PRMT9: variants seen among roughly 807,000 people sequenced by gnomAD.
The protein encoded by PRMT9 is protein arginine N-methyltransferase 9.
In PRMT9, 59 loss-of-function variants were observed where a neutral mutation model predicts 83.2. That is an observed-to-expected ratio of 0.71 (90% CI 0.57 to 0.88). The LOEUF is 0.88. PRMT9 is among the 40% of genes least tolerant of loss of function. PRMT9 has a pLI of 0.00. For missense variants in PRMT9, 947 were observed against 1,021.9 expected (o/e 0.93, Z 1.00); for synonymous variants, 333 against 353.2 (o/e 0.94, Z 0.64).
intron 2 of PRMT9, among the ~76,000 whole-genome samples, chr4:147,678,735 G>A (rs941820974): frequency 6.6e-6 from 1 of 152,166 alleles, no homozygotes; most frequent in African/African-American, 2.4e-5. Context: ...TAGAAACCCT[G>A]GGCACTGAGC....
intron 9 of PRMT9, among the ~76,000 whole-genome samples, chr4:147,650,779 A>G (rs2126586685): frequency 6.6e-6 from 1 of 152,356 alleles, no homozygotes; most frequent in African/African-American, 2.4e-5. Flanking sequence ...TACTGGTATA[A>G]AGACAGACAT....
rs1560960795 is a variant in PRMT9 at position 147,638,720 on chromosome 4, TC to T, written c.2349del (p.Thr784LeufsTer33). On this transcript the variant is annotated frameshift_variant, in exon 12 of 12. Transcript: ENST00000322396. LOFTEE classifies it high-confidence loss of function. The stretch of plus-strand genomic sequence containing the variant: ...ATATGATACCAAAATGGAATAGCAG[TC>T]AGTCTTCCAGATTTACAAACGTATA... ...VKVYVCKSGRLTAIPFWYHMY... is the reference protein window; with the variant it reads ...VKVYVCKSGRXTAIPFWYHMY... The T allele has an allele frequency of 6.2e-7, 1 of 1,612,936 alleles. No individual in the cohort carries two copies. Among genetic ancestry groups the T allele is most frequent in the East Asian group, 2.2e-5 (1 of 44,834 alleles).
chr4:147,664,817 A>T (rs984644024), intron 6 of PRMT9, among the ~76,000 whole-genome samples: 2 of 151,886 alleles, frequency 1.3e-5, no homozygotes, highest in Non-Finnish European at 2.9e-5. Context: ...ATTAAATTAA[A>T]TTTTTTAAAA....
chr4:147,655,430 T>G lies in PRMT9; in HGVS notation c.1331-864A>C, dbSNP rs10027279. 2.6e-3 allele frequency among the ~76,000 whole-genome samples: 397 copies of G among 152,314 alleles called. 3 individuals carry two copies. Among genetic ancestry groups the G allele is most frequent in the African/African-American group, 9.0e-3 (375 of 41,574 alleles). On this transcript the variant is annotated intron_variant, in intron 8 of 11. Coordinates refer to ENST00000322396, the MANE Select transcript of PRMT9 (RefSeq NM_138364.4). Reference sequence around the variant, plus strand: ...CTCTTGCCTCAGCCTTCCAATGTGTTGGGATTACAGGCGTGAGCCACTGTG... The same window carrying G: ...CTCTTGCCTCAGCCTTCCAATGTGTGGGGATTACAGGCGTGAGCCACTGTG...
intron 9 of PRMT9, among the ~76,000 whole-genome samples, chr4:147,643,549 C>T (rs1397534153): frequency 6.6e-6 from 1 of 152,172 alleles, no homozygotes; most frequent in Non-Finnish European, 1.5e-5. Flanking sequence ...GATGCTAAAA[C>T]TAGTAGGTCA....
chr4:147,659,010 TCTA>T (rs1277952282), intron 7 of PRMT9, among the ~76,000 whole-genome samples: 1 of 152,048 alleles, frequency 6.6e-6, no homozygotes, highest in African/African-American at 2.4e-5. Context: ...AAACCCCGTC[TCTA>T]CTAAAAATAC....
At chr4:147,683,521 C>T (rs1315265519) in intron 1 of PRMT9, among the ~76,000 whole-genome samples, 1 of 152,162 alleles carries the variant, frequency 6.6e-6, no homozygotes, top group Non-Finnish European at 1.5e-5. Flanking sequence ...TTCCTCTGGG[C>T]TGGTCGTAGG....
At chr4:147,665,381 C>G in intron 6 of PRMT9, among the ~76,000 whole-genome samples, 1 of 152,096 alleles carries the variant, frequency 6.6e-6, no homozygotes, top group East Asian at 1.9e-4. Flanking sequence ...ATTTATTAAT[C>G]TGCTTAAGAT....
intron 9 of PRMT9, among the ~76,000 whole-genome samples, chr4:147,648,566 T>C (rs972411260): frequency 8.5e-5 from 13 of 152,226 alleles, no homozygotes; most frequent in African/African-American, 3.1e-4. Context: ...TTCCCTGAGT[T>C]CTGTGAACCA....
chr4:147,663,009 AT>A lies in PRMT9; in HGVS notation c.954-1972del, dbSNP rs1177200944. ...GAATCAGCAAATGGAACTACTAATA[AT>A]TTTTTTTTTTTTTTTTGAGACAGAG... On this transcript the variant is annotated intron_variant, in intron 6 of 11. Coordinates refer to ENST00000322396, the MANE Select transcript of PRMT9 (RefSeq NM_138364.4). Among the ~76,000 whole-genome samples, 841 of 141,018 alleles carry A rather than the reference AT, an allele frequency of 6.0e-3. 7 individuals are homozygous for A. The highest frequency in any genetic ancestry group is 0.038 in the East Asian group (184 of 4,886). 92.5% of individuals were successfully genotyped at this position (141,018 alleles called of 152,430 possible).
intron 7 of PRMT9, among the ~76,000 whole-genome samples, chr4:147,660,348 G>A (rs1734869488): frequency 6.6e-6 from 1 of 152,136 alleles, no homozygotes; most frequent in Non-Finnish European, 1.5e-5. Flanking sequence ...TAAATAAGCA[G>A]GCTGGCACAG....
Position 147,680,361 on chromosome 4 carries a change from A to T in PRMT9, c.300T>A (p.Asp100Glu), listed in dbSNP as rs763201418. 1.2e-6 allele frequency: 2 copies of T among 1,614,058 alleles called. No homozygotes were observed. The highest frequency in any genetic ancestry group is 2.7e-5 in the African/African-American group (2 of 74,936). The change falls in exon 2 of 12, where the codon GAT (aspartate) becomes GAA (glutamate). Residue 100 changes from aspartate (D) to glutamate (E), a missense_variant. Transcript: ENST00000322396. ...CCCCCATACTATTGCAAATCACTTC[A>T]TCATCAGGAAACAGTTCCAAGGCCT... ...YEQALELFPD[D>E]EVICNSMGEH... is the part of the protein sequence containing the mutation.
At chr4:147,668,515 G>A in intron 6 of PRMT9, 24 bp downstream of exon 6, 2 of 1,356,396 alleles carry the variant, frequency 1.5e-6, no homozygotes, top group Non-Finnish European at 2.1e-6. Flanking sequence ...TTATAGCAGT[G>A]TGAAAATGGA....
intron 10 of PRMT9, among the ~76,000 whole-genome samples, chr4:147,640,030 T>C (rs1733278294): frequency 6.6e-6 from 1 of 151,022 alleles, no homozygotes; most frequent in South Asian, 2.1e-4. Flanking sequence ...GCCCCCACTT[T>C]TATTTCTCAC....
intron 9 of PRMT9, among the ~76,000 whole-genome samples, chr4:147,651,096 C>A (rs1406265616): frequency 6.6e-6 from 1 of 150,982 alleles, no homozygotes; most frequent in African/African-American, 2.4e-5. Flanking sequence ...GAGTGAGACT[C>A]CATCTCAAAA....
At chr4:147,674,003 C>T in intron 2 of PRMT9, 129 bp from the exon 3 acceptor site, 1 of 754,554 alleles carries the variant, frequency 1.3e-6, no homozygotes, top group Non-Finnish European at 2.3e-6. Flanking sequence ...AATCCAAGTG[C>T]TACCTCTTTT....
chr4:147,639,928 T>A (rs1381502890), intron 10 of PRMT9, among the ~76,000 whole-genome samples: 1 of 152,020 alleles, frequency 6.6e-6, no homozygotes, highest in Non-Finnish European at 1.5e-5. Flanking sequence ...TTCCTATTTT[T>A]ACATCAAACC....
chr4:147,667,270 A>G (rs981682002), intron 6 of PRMT9, among the ~76,000 whole-genome samples: 1 of 152,242 alleles, frequency 6.6e-6, no homozygotes, highest in Non-Finnish European at 1.5e-5. Flanking sequence ...TGTTTATCCT[A>G]CTTCTTAAAA....
At chr4:147,660,681 A>T (rs1199118515) in intron 7 of PRMT9, among the ~76,000 whole-genome samples, 165 bp downstream of exon 7, 1 of 152,200 alleles carries the variant, frequency 6.6e-6, no homozygotes. Context: ...GGAAGAAAGC[A>T]AATAATTTCA....
Sources: allele counts gnomAD v4.1 joint callset (sites outside exome capture counted in the v4.1 genomes callset), GRCh38; gene constraint gnomAD v4.1.1; transcripts MANE v1.5; gene names NCBI Gene and HGNC (gene_info 2026-07-23, HGNC 2026-07-21).